Variants in ANO1 observed in about 807,000 individuals in gnomAD.
ANO1 encodes anoctamin 1.
A neutral mutation model predicts 124.0 loss-of-function variants in ANO1; 59 were observed. That is an observed-to-expected ratio of 0.48 (90% confidence interval 0.39 to 0.59). ANO1 has a LOEUF of 0.59. ANO1 is among the 20% of genes least tolerant of loss of function. The pLI is 0.00. For missense variants in ANO1, 1,059 were observed against 1,328.0 expected (o/e 0.80, Z 3.15); for synonymous variants, 529 against 532.0 (o/e 0.99, Z 0.08).
intron 1 of ANO1, among the ~76,000 whole-genome samples, chr11:70,004,406 A>G (rs1413348190): frequency 6.6e-6 from 1 of 152,210 alleles, no homozygotes; most frequent in African/African-American, 2.4e-5. Flanking sequence ...TTTTACAGGG[A>G]CCATCTCATG....
At chr11:70,116,339 A>C in intron 7 of ANO1, 119 bp from the exon 8 acceptor site, 1 of 1,053,240 alleles carries the variant, frequency 9.5e-7, no homozygotes, top group Non-Finnish European at 1.4e-6. Flanking sequence ...TTGCCCCAGG[A>C]TGATCTTAAT....
In ANO1 at chr11:70,163,308, G is replaced by A. The variant is rs370304912; in HGVS notation, c.1918G>A (p.Val640Met). ...GTTTGTTGGACGCCCGGGCGACTACGTGTACATTTTCCGTTCCTTCCGAAT... is the reference window on the plus strand; with the variant it reads ...GTTTGTTGGACGCCCGGGCGACTACATGTACATTTTCCGTTCCTTCCGAAT... Reference protein sequence around the residue: ...GRFVGRPGDYVYIFRSFRMEE... With the variant: ...GRFVGRPGDYMYIFRSFRMEE... Residue 640 changes from valine (V) to methionine (M), a missense_variant, in exon 19 of 26, where the codon GTG becomes ATG. Physicochemically the swap from Val to Met is conservative, Grantham distance 21. Transcript: ENST00000355303. 11 of 1,613,952 alleles carry A rather than the reference G, an allele frequency of 6.8e-6. No individual in the cohort carries two copies. The highest frequency in any genetic ancestry group is 1.7e-4 in the Middle Eastern group (1 of 6,032).
At chr11:70,134,303 T>C (rs949964019) in intron 11 of ANO1, among the ~76,000 whole-genome samples, 1 of 152,120 alleles carries the variant, frequency 6.6e-6, no homozygotes, top group African/African-American at 2.4e-5. Context: ...CACAAGTAAG[T>C]GTGACCCCTG....
At chr11:70,050,352 A>C (rs1857333537) in intron 1 of ANO1, among the ~76,000 whole-genome samples, 3 of 152,106 alleles carry the variant, frequency 2.0e-5, no homozygotes. Flanking sequence ...CCTCCGCCCC[A>C]CAGTACAGGT....
chr11:70,176,517 AG>A (rs754948929), intron 22 of ANO1, among the ~76,000 whole-genome samples: 6 of 152,288 alleles, frequency 3.9e-5, no homozygotes, highest in South Asian at 2.1e-4. Flanking sequence ...GGTTATGATA[AG>A]GGGTTTTGGA....
At chr11:70,057,751 G>A (rs10431148) in intron 1 of ANO1, among the ~76,000 whole-genome samples, 23,039 of 152,064 alleles carry the variant, frequency 0.15, 1,801 homozygotes, top group East Asian at 0.23. Flanking sequence ...GTTAAGGCAG[G>A]AACTGCCTAT....
intron 11 of ANO1, among the ~76,000 whole-genome samples, chr11:70,134,393 C>T (rs1590824304): frequency 6.6e-6 from 1 of 152,214 alleles, no homozygotes; most frequent in African/African-American, 2.4e-5. Flanking sequence ...GTGTACATTT[C>T]TATAGCGCCC....
intron 16 of ANO1, among the ~76,000 whole-genome samples, chr11:70,160,121 G>C (rs2047986952): frequency 6.6e-6 from 1 of 152,134 alleles, no homozygotes; most frequent in South Asian, 2.1e-4. Flanking sequence ...CCTGTCCTGG[G>C]AGCCACCTGT....
chr11:70,140,446 G>A (rs536085710), intron 11 of ANO1, among the ~76,000 whole-genome samples: 4 of 151,928 alleles, frequency 2.6e-5, no homozygotes, highest in Non-Finnish European at 5.9e-5. Context: ...CAGGATAATC[G>A]TTTGAACCCA....
chr11:70,167,338 T>C lies in ANO1; in HGVS notation c.2148T>C (p.Asp716=). ...CVKRKQRYEV[D]YNLEPFAGLT... ...AGAGGAAACAGCGGTACGAGGTGGATTACAACCTGGAGCCCTTCGCGGGCC... is the reference window on the plus strand; with the variant it reads ...AGAGGAAACAGCGGTACGAGGTGGACTACAACCTGGAGCCCTTCGCGGGCC... Residue 716 remains aspartate (D), a synonymous_variant, in exon 21 of 26, where the codon GAT becomes GAC. Transcript: ENST00000355303. 1 of 1,613,752 alleles carries C rather than the reference T, an allele frequency of 6.2e-7. No homozygotes were observed. Among genetic ancestry groups the C allele is most frequent in the Non-Finnish European group, 8.5e-7 (1 of 1,179,784 alleles).
At chr11:70,014,461 G>C (rs75640969) in intron 1 of ANO1, among the ~76,000 whole-genome samples, 5,587 of 152,160 alleles carry the variant, frequency 0.037, 362 homozygotes, top group African/African-American at 0.13. Flanking sequence ...AGATTCCTCC[G>C]TGCTGCTCTG....
chr11:69,972,066 T>C, the ANO1 span, among the ~76,000 whole-genome samples: 3 of 132,064 alleles, frequency 2.3e-5, no homozygotes, highest in East Asian at 7.4e-4. Flanking sequence ...ACTAAAAAAA[T>C]AAATAAATAA....
chr11:70,126,575 T>C (rs1056791269), intron 10 of ANO1, among the ~76,000 whole-genome samples: 2 of 152,230 alleles, frequency 1.3e-5, no homozygotes, highest in Non-Finnish European at 2.9e-5. Flanking sequence ...GGGGCTTCAG[T>C]GTAGGCTGGT....
Position 70,103,050 on chromosome 11 carries a change from T to G in ANO1, c.442-16T>G, listed in dbSNP as rs2045341144. ...CACCGCCCCCCCTCAACCCAGAACTTTCCTTCTCTCTCCAGACTAAAATCC... is the reference window on the plus strand; with the variant it reads ...CACCGCCCCCCCTCAACCCAGAACTGTCCTTCTCTCTCCAGACTAAAATCC... On this transcript the variant is annotated splice_polypyrimidine_tract_variant and intron_variant, in intron 2 of 25. Transcript: ENST00000355303. 3 of 1,596,630 alleles carry G rather than the reference T, an allele frequency of 1.9e-6. No homozygotes were observed. Among genetic ancestry groups the G allele is most frequent in the Non-Finnish European group, 2.6e-6 (3 of 1,170,352 alleles).
At chr11:70,014,037 CTCT>C (rs1458120246) in intron 1 of ANO1, among the ~76,000 whole-genome samples, 1 of 151,972 alleles carries the variant, frequency 6.6e-6, no homozygotes, top group Non-Finnish European at 1.5e-5. Flanking sequence ...GTGTCTCTTC[CTCT>C]TCTTATAAGA....
intron 19 of ANO1, among the ~76,000 whole-genome samples, chr11:70,164,281 C>T (rs1317277532): frequency 6.6e-6 from 1 of 152,094 alleles, no homozygotes; most frequent in South Asian, 2.1e-4. Context: ...TGAAAAAGAC[C>T]CTGTGGAATA....
intron 1 of ANO1, among the ~76,000 whole-genome samples, chr11:69,986,540 A>G (rs1050979070): frequency 6.6e-6 from 1 of 151,968 alleles, no homozygotes; most frequent in Non-Finnish European, 1.5e-5. Flanking sequence ...AGCGGATACG[A>G]GGTTTTCGGA....
At chr11:70,107,655 G>A (rs2045612327) in intron 5 of ANO1, among the ~76,000 whole-genome samples, 1 of 152,210 alleles carries the variant, frequency 6.6e-6, no homozygotes, top group Non-Finnish European at 1.5e-5. Flanking sequence ...CTGAGGCCGG[G>A]AGTGGTGATG....
At chr11:70,167,494 GC>G in intron 21 of ANO1, 107 bp downstream of exon 21, 1 of 1,411,838 alleles carries the variant, frequency 7.1e-7, no homozygotes, top group Non-Finnish European at 9.5e-7. Flanking sequence ...ACCCTGCGGT[GC>G]CCAGCGTCCC....
Sources: allele counts gnomAD v4.1 joint callset (sites outside exome capture counted in the v4.1 genomes callset), GRCh38; gene constraint gnomAD v4.1.1; transcripts MANE v1.5; gene names NCBI Gene and HGNC (gene_info 2026-07-23, HGNC 2026-07-21).